The following ADK variants were observed in gnomAD, a reference collection of about 807,000 sequenced individuals.
The protein encoded by ADK is N6,N6-dimethyladenosine kinase.
In ADK, 24 loss-of-function variants were observed where a neutral mutation model predicts 44.7. The observed-to-expected ratio is 0.54, with a 90% confidence interval of 0.39 to 0.76. The LOEUF is 0.76. Ranked by LOEUF, ADK falls within the 30% of genes least tolerant of loss-of-function variation. The pLI is 0.00. For synonymous variants in ADK, 128 were observed against 142.6 expected (o/e 0.90, Z 0.73); for missense variants, 321 against 425.1 (o/e 0.76, Z 2.15).
chr10:74,680,267 A>C (rs1398230752), intron 10 of ADK, among the ~76,000 whole-genome samples: 1 of 150,852 alleles, frequency 6.6e-6, no homozygotes, highest in South Asian at 2.1e-4. Context: ...GTGAGCCGAG[A>C]TCGCACCACT....
chr10:74,565,744 A>C (rs1045050579), intron 7 of ADK, among the ~76,000 whole-genome samples: 3 of 151,566 alleles, frequency 2.0e-5, no homozygotes, highest in African/African-American at 4.8e-5. Flanking sequence ...AAAAAAAAAA[A>C]AAAAACCATG....
At chr10:74,665,021 AT>A (rs1410242325) in intron 9 of ADK, among the ~76,000 whole-genome samples, 1 of 152,190 alleles carries the variant, frequency 6.6e-6, no homozygotes, top group Non-Finnish European at 1.5e-5. Flanking sequence ...CTCTTAGGAA[AT>A]ACACACTGAA....
chr10:74,197,052 T>C (rs1843180306), intron 1 of ADK, among the ~76,000 whole-genome samples: 1 of 152,188 alleles, frequency 6.6e-6, no homozygotes, highest in African/African-American at 2.4e-5. Context: ...ATGTTCTGTA[T>C]CTGAGCATCA....
chr10:74,514,158 C>T (rs975871345), intron 6 of ADK, among the ~76,000 whole-genome samples: 4 of 152,204 alleles, frequency 2.6e-5, no homozygotes, highest in Admixed American at 1.3e-4. Flanking sequence ...TATAGGATTT[C>T]TGCTGAGAAA....
chr10:74,456,247 C>T lies in ADK; in HGVS notation c.555+57668C>T, dbSNP rs1235638449. On this transcript the variant is annotated intron_variant, in intron 6 of 10. Coordinates refer to ENST00000539909, the MANE Select transcript of ADK (RefSeq NM_006721.4). The stretch of plus-strand genomic sequence containing the variant: ...TCAACAGAATATACATTCTTCTCCG[C>T]ACCACATCGCCCTTACTCTAAAATT... Among the ~76,000 whole-genome samples the T allele has an allele frequency of 2.0e-5, 3 of 152,154 alleles. No homozygotes were observed. In the East Asian group the frequency reaches 5.8e-4, roughly 29 times the overall value.
At chr10:74,547,942 G>A (rs1849897753) in intron 7 of ADK, among the ~76,000 whole-genome samples, 1 of 152,170 alleles carries the variant, frequency 6.6e-6, no homozygotes, top group Admixed American at 6.5e-5. Flanking sequence ...ACAGGCGTGA[G>A]CCACCGCGCC....
chr10:74,581,722 C>A (rs1396583709), intron 7 of ADK, among the ~76,000 whole-genome samples: 3 of 151,978 alleles, frequency 2.0e-5, no homozygotes, highest in African/African-American at 7.3e-5. Flanking sequence ...TACAGAGAAA[C>A]AAAGATAAGA....
intron 7 of ADK, among the ~76,000 whole-genome samples, chr10:74,582,592 C>G (rs1851408864): frequency 6.6e-6 from 1 of 152,128 alleles, no homozygotes; most frequent in Non-Finnish European, 1.5e-5. Flanking sequence ...CTTTGTGAAA[C>G]AGTTAAGTTT....
At chr10:74,202,428 T>C (rs114485850) in intron 2 of ADK, among the ~76,000 whole-genome samples, 1 of 152,196 alleles carries the variant, frequency 6.6e-6, no homozygotes, top group East Asian at 1.9e-4. Context: ...TGAATATTCA[T>C]GTATAAGCTT....
At chr10:74,359,285 T>C (rs188366941) in intron 4 of ADK, among the ~76,000 whole-genome samples, 5 of 152,190 alleles carry the variant, frequency 3.3e-5, no homozygotes, top group African/African-American at 1.2e-4. Context: ...CTCAGGATTA[T>C]TTTAGCTATT....
At chr10:74,278,366 T>TAAA (rs56769018) in intron 3 of ADK, among the ~76,000 whole-genome samples, 9 of 113,894 alleles carry the variant, frequency 7.9e-5, no homozygotes, top group African/African-American at 1.9e-4. Context: ...AAAAAAAAAT[T>TAAA]AAAAAAAAAA....
intron 6 of ADK, among the ~76,000 whole-genome samples, chr10:74,498,246 G>A (rs1847763436): frequency 6.6e-6 from 1 of 152,174 alleles, no homozygotes; most frequent in South Asian, 2.1e-4. Context: ...TTATAGAATA[G>A]TAAGTACATC....
At chr10:74,258,552 C>T (rs1845913221) in intron 3 of ADK, among the ~76,000 whole-genome samples, 1 of 152,090 alleles carries the variant, frequency 6.6e-6, no homozygotes, top group South Asian at 2.1e-4. Context: ...TAATTTAATT[C>T]TACTTAGCAG....
chr10:74,325,708 A>G (rs551753842), intron 4 of ADK, among the ~76,000 whole-genome samples: 1 of 152,320 alleles, frequency 6.6e-6, no homozygotes, highest in South Asian at 2.1e-4. Context: ...GAATTTTGTC[A>G]AATGCATTTT....
chr10:74,259,938 G>T (rs985023182), intron 3 of ADK, among the ~76,000 whole-genome samples: 2 of 151,952 alleles, frequency 1.3e-5, no homozygotes, highest in African/African-American at 2.4e-5. Context: ...TCTAGATAGG[G>T]ATATTCTAAG....
At chr10:74,320,638 G>A (rs936850584) in intron 4 of ADK, among the ~76,000 whole-genome samples, 10 of 152,132 alleles carry the variant, frequency 6.6e-5, no homozygotes, top group South Asian at 2.1e-4. Context: ...TGATTGTTTA[G>A]TGATAAGGAT....
chr10:74,279,236 C>T lies in ADK; in HGVS notation c.195-35431C>T, dbSNP rs147812721. Among the ~76,000 whole-genome samples the T allele has an allele frequency of 5.3e-5, 8 of 151,596 alleles. No individual in the cohort carries two copies. The East Asian group carries it at 5.8e-4, about 11-fold the overall frequency. On this transcript the variant is annotated intron_variant, in intron 3 of 10. Coordinates refer to ENST00000539909, the MANE Select transcript of ADK (RefSeq NM_006721.4). ...CGGAGGTTGCAGTGATCCGAGATTG[C>T]GCCACTGCATTCCAGCATGGGTGAC...
rs111981819 is a variant in ADK at position 74,471,075 on chromosome 10, C to CT, written c.556-54164dup. Among the ~76,000 whole-genome samples the CT allele has an allele frequency of 9.9e-4, 143 of 144,618 alleles. 1 individual carries two copies. Among genetic ancestry groups the CT allele is most frequent in the African/African-American group, 2.1e-3 (77 of 37,288 alleles). The allele number at this position is 144,618 out of a possible 152,430, so 94.9% of individuals were successfully genotyped here. On this transcript the variant is annotated intron_variant, in intron 6 of 10. Coordinates refer to ENST00000539909, the MANE Select transcript of ADK (RefSeq NM_006721.4). ...ATGCATTATCAGTACTATACTTTTT[C>CT]TTTTTTTTTTTTTTTTTGAGATAGA...
At chr10:74,603,415 C>T (rs1027164175) in intron 9 of ADK, among the ~76,000 whole-genome samples, 1 of 152,068 alleles carries the variant, frequency 6.6e-6, no homozygotes, top group African/African-American at 2.4e-5. Flanking sequence ...TGAGCTCCCC[C>T]ACCCCCCGAC....
Sources: gnomAD v4.1 joint callset for allele counts (sites outside exome capture counted in the v4.1 genomes callset) on GRCh38, gnomAD v4.1.1 for gene constraint, MANE v1.5 for transcripts, NCBI Gene and HGNC (gene_info 2026-07-23, HGNC 2026-07-21) for gene names.